ZYG11B: variants seen among roughly 807,000 people sequenced by gnomAD.
ZYG11B encodes zyg-11 family member B, cell cycle regulator.
In ZYG11B, 36 loss-of-function variants were observed where a neutral mutation model predicts 82.4. The ratio of observed to expected loss-of-function variants is 0.44; its 90% confidence interval spans 0.33 to 0.58. ZYG11B has a LOEUF of 0.58. ZYG11B is among the 20% of genes least tolerant of loss of function. The probability of loss-of-function intolerance (pLI) is 0.02; values close to 1 mark genes in which losing one functional copy is unlikely to be tolerated. For missense variants in ZYG11B, 552 were observed against 895.6 expected, an observed-to-expected ratio of 0.62 and a Z score of 4.90; for synonymous variants, 303 against 312.8, an observed-to-expected ratio of 0.97 and a Z score of 0.33.
intron 8 of ZYG11B, among the ~76,000 whole-genome samples, chr1:52,798,611 C>G (rs1030452866): frequency 6.6e-6 from 1 of 151,922 alleles, no homozygotes; most frequent in African/African-American, 2.4e-5. Flanking sequence ...ACCCTGTCTC[C>G]AAAAATACAA....
chr1:52,811,592 C>T (rs1645183348), intron 10 of ZYG11B, among the ~76,000 whole-genome samples: 1 of 152,208 alleles, frequency 6.6e-6, no homozygotes, highest in South Asian at 2.1e-4. Context: ...TGTAAATCAG[C>T]ATGCCCTGCC....
chr1:52,795,956 T>A (rs1358498551), intron 6 of ZYG11B, among the ~76,000 whole-genome samples: 3 of 152,182 alleles, frequency 2.0e-5, no homozygotes, highest in Non-Finnish European at 4.4e-5. Context: ...TTAGGTGCTA[T>A]GAGGAACCCA....
intron 10 of ZYG11B, chr1:52,805,213 A>G (rs1558141473): frequency 3.5e-6 from 1 of 282,034 alleles, no homozygotes; most frequent in Non-Finnish European, 7.0e-6. Context: ...AAGTGAGCAC[A>G]AAAAAGCAGA....
chr1:52,789,324 C>G (rs973525529), intron 5 of ZYG11B, among the ~76,000 whole-genome samples: 11 of 152,088 alleles, frequency 7.2e-5, no homozygotes, highest in Non-Finnish European at 1.3e-4. Context: ...TCCAATCGTA[C>G]ACAAAAACCT....
intron 2 of ZYG11B, among the ~76,000 whole-genome samples, chr1:52,765,754 C>T (rs1278566982): frequency 1.3e-5 from 2 of 152,066 alleles, no homozygotes; most frequent in African/African-American, 4.8e-5. Flanking sequence ...CCTCTTGTCT[C>T]ATCCTCCCAA....
chr1:52,778,516 G>A (rs896942074), intron 3 of ZYG11B, among the ~76,000 whole-genome samples: 2 of 152,136 alleles, frequency 1.3e-5, no homozygotes, highest in Non-Finnish European at 2.9e-5. Flanking sequence ...TTAGACTTAC[G>A]TTAGATCCCT....
At chr1:52,789,941 A>G (rs1644943003) in intron 5 of ZYG11B, 62 bp from the exon 6 acceptor site, 10 of 1,202,990 alleles carry the variant, frequency 8.3e-6, no homozygotes, top group South Asian at 1.7e-5. Flanking sequence ...GGAAGCTACC[A>G]TGGTTAAAAT....
chr1:52,797,118 A>AT (rs1484980937), intron 8 of ZYG11B, among the ~76,000 whole-genome samples: 73 of 68,952 alleles, frequency 1.1e-3, no homozygotes, highest in African/African-American at 8.7e-3. Context: ...ATATTTATAT[A>AT]TTATATATTA....
Position 52,771,785 on chromosome 1 carries a change from A to C in ZYG11B, c.951+11A>C, listed in dbSNP as rs764938313. 2 of 1,594,724 alleles carry C rather than the reference A, an allele frequency of 1.3e-6. No homozygotes were observed. The highest frequency in any genetic ancestry group is 1.8e-5 in the Admixed American group (1 of 56,224). On this transcript the variant is annotated intron_variant, in intron 3 of 13. Transcript: ENST00000294353. This position sits in a 1 kb window ranked among gnomAD's most constrained non-coding sequence, Gnocchi z 5.4. ...GAAGGACATTTGAAGGTTAGACTTTAAAAATGTATTATTTTGTCAGGCTGA... is the reference window on the plus strand; with the variant it reads ...GAAGGACATTTGAAGGTTAGACTTTCAAAATGTATTATTTTGTCAGGCTGA...
chr1:52,746,029 C>G (rs948954609), intron 1 of ZYG11B, among the ~76,000 whole-genome samples: 1 of 150,858 alleles, frequency 6.6e-6, no homozygotes, highest in Non-Finnish European at 1.5e-5. Context: ...CACTCGATCT[C>G]GGCTCACTGC....
intron 1 of ZYG11B, among the ~76,000 whole-genome samples, chr1:52,737,828 T>C (rs1423361088): frequency 6.6e-6 from 1 of 152,244 alleles, no homozygotes; most frequent in Non-Finnish European, 1.5e-5. Context: ...GAGAATTGCA[T>C]AAGGTAATGT....
In ZYG11B at chr1:52,730,166, G is replaced by A. The variant is rs1048570478; in HGVS notation, c.30+3483G>A. On this transcript the variant is annotated intron_variant, in intron 1 of 13. Transcript: ENST00000294353. ...TGCTGGTCTGTGAACCACAATTTGA[G>A]AACTACTGGTCTAAGACATAGTCCT... Among the ~76,000 whole-genome samples the A allele has an allele frequency of 2.0e-5, 3 of 152,084 alleles. No homozygotes were observed. In the East Asian group the frequency reaches 5.8e-4, roughly 29 times the overall value.
At chr1:52,798,337 A>T (rs1386105621) in intron 8 of ZYG11B, among the ~76,000 whole-genome samples, 2 of 150,964 alleles carry the variant, frequency 1.3e-5, no homozygotes, top group Admixed American at 1.3e-4. Flanking sequence ...ATCTAAGGCC[A>T]AGCACAGTGG....
chr1:52,809,908 A>G (rs930369659), intron 10 of ZYG11B, among the ~76,000 whole-genome samples: 2 of 152,002 alleles, frequency 1.3e-5, no homozygotes, highest in Admixed American at 1.3e-4. Context: ...TATATTCTGG[A>G]TATTAATCCC....
intron 7 of ZYG11B, 74 bp from the exon 8 acceptor site, chr1:52,796,660 G>A (rs1645008578): frequency 2.4e-6 from 3 of 1,249,194 alleles, no homozygotes; most frequent in Non-Finnish European, 2.3e-6. Context: ...CCTTTGGAGT[G>A]AGGTACAGTG....
chr1:52,790,750 C>G (rs1325481427), intron 6 of ZYG11B, among the ~76,000 whole-genome samples: 4 of 108,748 alleles, frequency 3.7e-5, no homozygotes, highest in African/African-American at 1.4e-4. Context: ...AGACATAGGT[C>G]TTCTAATTCT....
At chr1:52,749,493 T>G (rs1644503727) in intron 1 of ZYG11B, among the ~76,000 whole-genome samples, 1 of 152,232 alleles carries the variant, frequency 6.6e-6, no homozygotes, top group Non-Finnish European at 1.5e-5. Context: ...TTTCCAACTT[T>G]TACTTGTAAC....
At chr1:52,737,330 T>C (rs1644386231) in intron 1 of ZYG11B, among the ~76,000 whole-genome samples, 1 of 152,216 alleles carries the variant, frequency 6.6e-6, no homozygotes, top group African/African-American at 2.4e-5. Context: ...AGTTGTTTTC[T>C]GTGGTATTAT....
chr1:52,757,623 C>T (rs1644590726), intron 2 of ZYG11B, among the ~76,000 whole-genome samples: 1 of 151,906 alleles, frequency 6.6e-6, no homozygotes, highest in African/African-American at 2.4e-5. Context: ...TGCAGTGAGC[C>T]GAGGTTGTAC....
Sources: gnomAD v4.1 joint callset for allele counts (sites outside exome capture counted in the v4.1 genomes callset) on GRCh38, gnomAD v4.1.1 for gene constraint, Gnocchi (gnomAD v3.1) non-coding constraint, MANE v1.5 for transcripts, NCBI Gene and HGNC (gene_info 2026-07-23, HGNC 2026-07-21) for gene names.